SEL1L3: variants seen among roughly 807,000 people sequenced by gnomAD.
The protein encoded by SEL1L3 is protein sel-1 homolog 3.
Under a neutral mutation model 142.8 loss-of-function variants are expected in SEL1L3, and 76 were observed. The ratio of observed to expected loss-of-function variants is 0.53; its 90% CI spans 0.44 to 0.64. The LOEUF is 0.64. Ranked by LOEUF, SEL1L3 falls within the 30% of genes least tolerant of loss-of-function variation. The pLI, the probability that SEL1L3 is intolerant of heterozygous loss-of-function variation, is 0.00. For synonymous variants in SEL1L3, 504 were observed against 519.6 expected, an observed-to-expected ratio of 0.97 and a Z score of 0.41; for missense variants, 1,262 against 1,381.7, an observed-to-expected ratio of 0.91 and a Z score of 1.37.
intron 14 of SEL1L3, among the ~76,000 whole-genome samples, chr4:25,783,527 C>T (rs545681039): frequency 3.7e-4 from 56 of 151,482 alleles, no homozygotes; most frequent in African/African-American, 1.2e-3. Context: ...TGTAGATTTA[C>T]GGTAGTTTCT....
chr4:25,756,854 C>T (rs1386647649), intron 23 of SEL1L3: 1 of 1,279,740 alleles, frequency 7.8e-7, no homozygotes, highest in East Asian at 5.6e-5. Context: ...AAAGGGAAGA[C>T]TTCATGCTGC....
downstream of SEL1L3, among the ~76,000 whole-genome samples, chr4:25,744,928 T>C (rs940858019): frequency 2.6e-5 from 4 of 152,198 alleles, no homozygotes; most frequent in African/African-American, 9.6e-5. Context: ...CCTCCAAAAG[T>C]GTGAGAAAAT....
chr4:25,820,949 A>G (rs1046938344), intron 7 of SEL1L3, among the ~76,000 whole-genome samples: 4 of 151,888 alleles, frequency 2.6e-5, no homozygotes, highest in African/African-American at 9.7e-5. Context: ...GCTGGTCTCA[A>G]ACTCCTGACT....
intron 1 of SEL1L3, among the ~76,000 whole-genome samples, chr4:25,859,963 T>C (rs1401521066): frequency 2.0e-5 from 3 of 152,110 alleles, no homozygotes; most frequent in Admixed American, 6.5e-5. Flanking sequence ...GGCCCGTACA[T>C]CGATGAAGAA....
At position 25,758,615 on chromosome 4, in the gene SEL1L3, G is replaced by A. The variant is rs896481535; in HGVS notation, c.3083+326C>T. Reference sequence around the variant, plus strand: ...GATATTAGAAAAGAGAAATACACTCGGGTCTGGCTGAATGTTTTCTAGTAG... The same window carrying A: ...GATATTAGAAAAGAGAAATACACTCAGGTCTGGCTGAATGTTTTCTAGTAG... On this transcript the variant is annotated intron_variant, in intron 21 of 23. Transcript: ENST00000399878. Among the ~76,000 whole-genome samples the A allele has an allele frequency of 5.9e-5, 9 of 151,920 alleles. 1 individual carries two copies. The highest frequency in any genetic ancestry group is 3.9e-4 in the East Asian group (2 of 5,192).
chr4:25,846,844 G>A (rs1577691176), intron 2 of SEL1L3, among the ~76,000 whole-genome samples: 1 of 148,844 alleles, frequency 6.7e-6, no homozygotes, highest in East Asian at 2.0e-4. Context: ...GGGAGGCGGA[G>A]GTTGCAGTGA....
chr4:25,824,887 A>G (rs1714993304), intron 6 of SEL1L3, among the ~76,000 whole-genome samples: 1 of 152,228 alleles, frequency 6.6e-6, no homozygotes, highest in Non-Finnish European at 1.5e-5. Flanking sequence ...ATGTCATGGG[A>G]AAAAATTGAG....
At chr4:25,768,536 T>A (rs1042263040) in intron 17 of SEL1L3, among the ~76,000 whole-genome samples, 1 of 152,192 alleles carries the variant, frequency 6.6e-6, no homozygotes, top group African/African-American at 2.4e-5. Context: ...GGAGGAGTCT[T>A]AAGAATGTAC....
chr4:25,820,730 T>TATGTATATGTAC (rs1560330607), intron 7 of SEL1L3, among the ~76,000 whole-genome samples: 19 of 152,366 alleles, frequency 1.2e-4, no homozygotes, highest in Admixed American at 1.1e-3. Context: ...AATATATGTA[T>TATGTATATGTAC]GCATATGTAT....
At chr4:25,718,239 GA>G in the SEL1L3 span, 1 of 152,172 alleles carries the variant, frequency 6.6e-6, no homozygotes, top group Non-Finnish European at 1.5e-5. Flanking sequence ...ATACAGGGAG[GA>G]AAGGGCTGTA....
At chr4:25,790,765 AAGGGAGGAAGGAAGGAGGGAAGG>A in intron 11 of SEL1L3, among the ~76,000 whole-genome samples, 191 bp from the exon 12 acceptor site, 1 of 139,522 alleles carries the variant, frequency 7.2e-6, no homozygotes, top group East Asian at 2.3e-4. Flanking sequence ...GGAAGAAAGG[AAGGGAGGAAGGAAGGAGGGAAGG>A]AGGGAGGGAA....
intron 16 of SEL1L3, among the ~76,000 whole-genome samples, chr4:25,776,872 T>A: frequency 2.0e-5 from 3 of 149,728 alleles, no homozygotes; most frequent in African/African-American, 7.4e-5. Context: ...AAAGGAAGGG[T>A]AAGAAAAGAG....
At chr4:25,736,985 T>TTTTTTTTTC in the SEL1L3 span, among the ~76,000 whole-genome samples, 6 of 149,970 alleles carry the variant, frequency 4.0e-5, no homozygotes, top group South Asian at 2.1e-4. Context: ...TTTTTTCTTT[T>TTTTTTTTTC]TCTTTTTTTT....
At chr4:25,723,318 G>T in the SEL1L3 span, among the ~76,000 whole-genome samples, 5 of 152,306 alleles carry the variant, frequency 3.3e-5, no homozygotes, top group East Asian at 9.7e-4. Context: ...CTTACATCAA[G>T]GGTGCTGTAT....
downstream of SEL1L3, among the ~76,000 whole-genome samples, chr4:25,746,764 G>A (rs1480837223): frequency 2.0e-5 from 3 of 151,534 alleles, no homozygotes; most frequent in African/African-American, 4.9e-5. Context: ...AGCTGTCAGC[G>A]CCTTGTTTCC....
chr4:25,826,871 C>T (rs1280632252), intron 6 of SEL1L3, among the ~76,000 whole-genome samples: 1 of 152,064 alleles, frequency 6.6e-6, no homozygotes, highest in African/African-American at 2.4e-5. Context: ...ACCATGTTGC[C>T]CAGCCTGGTC....
chr4:25,734,000 A>C, the SEL1L3 span, among the ~76,000 whole-genome samples: 10 of 151,962 alleles, frequency 6.6e-5, no homozygotes, highest in Non-Finnish European at 1.5e-4. Context: ...TCTCTTCCTA[A>C]TTTGCTGGAG....
intron 23 of SEL1L3, among the ~76,000 whole-genome samples, chr4:25,753,302 TA>T (rs1216630043): frequency 1.3e-5 from 2 of 152,224 alleles, no homozygotes; most frequent in Non-Finnish European, 2.9e-5. Context: ...AATTTTTAAA[TA>T]CAACTGACTG....
chr4:25,788,569 CGTGTGTGT>C lies in SEL1L3; in HGVS notation c.2077-213_2077-206del, dbSNP rs58435041. On this transcript the variant is annotated intron_variant, in intron 12 of 23. Transcript: ENST00000399878. This position sits in a 1 kb window ranked among gnomAD's most constrained non-coding sequence, Gnocchi z 5.3. Reference sequence around the variant, plus strand: ...CCCTTAATGCAAGCCAGAAATGGTTCGTGTGTGTGTGTGTGTGTGTGTGTGTGTGTGTG... The same window carrying C: ...CCCTTAATGCAAGCCAGAAATGGTTCGTGTGTGTGTGTGTGTGTGTGTGTG... Among the ~76,000 whole-genome samples, 28,974 of 139,854 alleles carry C rather than the reference CGTGTGTGT, an allele frequency of 0.21. 2,969 individuals are homozygous for C. Among genetic ancestry groups the C allele is most frequent in the Middle Eastern group, 0.27 (74 of 278 alleles). 91.7% of individuals were successfully genotyped at this position (139,854 alleles called of 152,430 possible).
Sources: gnomAD v4.1 joint callset for allele counts (sites outside exome capture counted in the v4.1 genomes callset) on GRCh38, gnomAD v4.1.1 for gene constraint, Gnocchi (gnomAD v3.1) non-coding constraint, MANE v1.5 for transcripts, NCBI Gene and HGNC (gene_info 2026-07-23, HGNC 2026-07-21) for gene names.